ATAD2: variants seen among roughly 807,000 people sequenced by gnomAD.
ATAD2 encodes the protein ATPase family AAA domain-containing protein 2.
In ATAD2, 62 loss-of-function variants were observed where a neutral mutation model predicts 168.9. That is an observed-to-expected ratio of 0.37 (90% CI 0.30 to 0.45). ATAD2 has a LOEUF of 0.45. ATAD2 is among the 20% of genes least tolerant of loss of function. ATAD2 has a pLI of 1.00. For synonymous variants in ATAD2, 613 were observed against 571.6 expected, an observed-to-expected ratio of 1.07 and a Z score of -1.03; for missense variants, 1,419 against 1,667.8, an observed-to-expected ratio of 0.85 and a Z score of 2.60.
intron 13 of ATAD2, among the ~76,000 whole-genome samples, chr8:123,355,540 A>G (rs1828614698): frequency 6.6e-6 from 1 of 152,210 alleles, no homozygotes; most frequent in African/African-American, 2.4e-5. Context: ...CATCTTTAAA[A>G]TGGGGAGATT....
At chr8:123,326,168 T>C (rs1237108884) in intron 25 of ATAD2, 142 bp from the exon 26 acceptor site, 4 of 835,158 alleles carry the variant, frequency 4.8e-6, no homozygotes, top group South Asian at 1.9e-5. Context: ...CATTCTGTTA[T>C]AAGATTAAGA....
upstream of ATAD2, among the ~76,000 whole-genome samples, chr8:123,397,829 T>TA (rs1419961223): frequency 6.6e-6 from 1 of 151,960 alleles, no homozygotes; most frequent in African/African-American, 2.4e-5. Flanking sequence ...GAGTGCAATT[T>TA]AAAATAGGGT....
intron 22 of ATAD2, among the ~76,000 whole-genome samples, chr8:123,335,187 T>C (rs570886155): frequency 2.6e-5 from 4 of 152,246 alleles, no homozygotes; most frequent in South Asian, 2.1e-4. Context: ...ATTGCCACAA[T>C]AGACAGAAAG....
At chr8:123,330,005 T>TTTTTTTTTTTTTTTTA (rs1236060922) in intron 24 of ATAD2, among the ~76,000 whole-genome samples, 1 of 68,422 alleles carries the variant, frequency 1.5e-5, no homozygotes, top group African/African-American at 4.6e-5. Flanking sequence ...TTTTTTTTTT[T>TTTTTTTTTTTTTTTTA]GAGACAGGGT....
At chr8:123,353,317 T>G (rs1828533073) in intron 13 of ATAD2, among the ~76,000 whole-genome samples, 1 of 151,944 alleles carries the variant, frequency 6.6e-6, no homozygotes. Context: ...TGAGCCAAGA[T>G]CATACCACTG....
Position 123,359,607 on chromosome 8 carries a change from G to A in ATAD2, c.1236C>T (p.Ala412=), listed in dbSNP as rs775773999. The change falls in exon 10 of 28, where the codon GCC becomes GCT. Residue 412 remains alanine, a synonymous_variant. Coordinates refer to ENST00000287394, the MANE Select transcript of ATAD2 (RefSeq NM_014109.4). ...KDRMKIGASL[A]DVDPMQLDSS... is the part of the protein sequence containing the mutation. ...AATCTAGTTGCATTGGATCAACATC[G>A]GCAAGGCTTGCTCCAATTTTCATTC... 19 of 1,612,642 alleles carry A rather than the reference G, an allele frequency of 1.2e-5. No individual in the cohort carries two copies. The highest frequency in any genetic ancestry group is 1.1e-4 in the East Asian group (5 of 44,846).
chr8:123,368,940 C>T (rs1829057198), intron 8 of ATAD2, 118 bp downstream of exon 8: 1 of 449,454 alleles, frequency 2.2e-6, no homozygotes, highest in Admixed American at 3.5e-5. Flanking sequence ...ACTAAGCTCT[C>T]CCAAATACAC....
chr8:123,391,954 T>C (rs1586906461), intron 1 of ATAD2, among the ~76,000 whole-genome samples: 1 of 152,198 alleles, frequency 6.6e-6, no homozygotes. Context: ...GTATAATGCC[T>C]GCTGGGAACT....
intron 6 of ATAD2, among the ~76,000 whole-genome samples, chr8:123,370,256 G>A (rs1462584349): frequency 6.6e-6 from 1 of 151,908 alleles, no homozygotes; most frequent in East Asian, 1.9e-4. Flanking sequence ...AAGGAAAAAA[G>A]GAAGTAGAGA....
chr8:123,334,303 T>C lies in ATAD2; in HGVS notation c.3231A>G (p.Arg1077=), dbSNP rs1296812347. 6.4e-7 allele frequency: 1 copy of C among 1,571,658 alleles called. No individual in the cohort carries two copies. The highest frequency in any genetic ancestry group is 8.6e-7 in the Non-Finnish European group (1 of 1,167,688). The change falls in exon 23 of 28, where the codon AGA becomes AGG. Residue 1077 remains arginine (R), a synonymous_variant. Coordinates refer to ENST00000287394, the MANE Select transcript of ATAD2 (RefSeq NM_014109.4). ...AGGCAGTATCTCTTAAAGCACAGGC[T>C]CTATGCCTAATAAGACGATCTATGA... ...RDPGDRLIRH[R]ACALRDTAYA... is the part of the protein sequence containing the mutation.
intron 1 of ATAD2, among the ~76,000 whole-genome samples, chr8:123,414,844 C>T (rs1023290152): frequency 6.6e-6 from 1 of 152,198 alleles, no homozygotes; most frequent in African/African-American, 2.4e-5. Flanking sequence ...GTTCTCACCA[C>T]TACACCTGTC....
At chr8:123,387,169 A>G (rs1829668397) in intron 1 of ATAD2, among the ~76,000 whole-genome samples, 1 of 152,084 alleles carries the variant, frequency 6.6e-6, no homozygotes, top group Admixed American at 6.6e-5. Flanking sequence ...AGATAATACT[A>G]TATGTTTTAT....
At chr8:123,395,023 T>C (rs998427694) in intron 1 of ATAD2, among the ~76,000 whole-genome samples, 1 of 152,222 alleles carries the variant, frequency 6.6e-6, no homozygotes, top group Non-Finnish European at 1.5e-5. Flanking sequence ...AAGATCTTAA[T>C]AGAAGACTTA....
At chr8:123,410,860 G>A (rs970811722) in intron 1 of ATAD2, among the ~76,000 whole-genome samples, 17 of 152,224 alleles carry the variant, frequency 1.1e-4, no homozygotes, top group African/African-American at 3.4e-4. Context: ...CCAGCGAGGC[G>A]CCCATTGCCG....
At chr8:123,375,291 T>G (rs1157879796) in intron 2 of ATAD2, among the ~76,000 whole-genome samples, 1 of 147,972 alleles carries the variant, frequency 6.8e-6, no homozygotes, top group Non-Finnish European at 1.5e-5. Context: ...ATGCTCAACA[T>G]TATTAGCCAT....
chr8:123,359,100 T>TACC, intron 11 of ATAD2, 121 bp downstream of exon 11: 1 of 615,124 alleles, frequency 1.6e-6, no homozygotes, highest in Non-Finnish European at 2.7e-6. Flanking sequence ...AGAAAAGTTG[T>TACC]ATAATGAAAA....
intron 8 of ATAD2, among the ~76,000 whole-genome samples, chr8:123,365,667 G>A (rs1001213293): frequency 2.6e-5 from 4 of 152,118 alleles, no homozygotes; most frequent in Non-Finnish European, 4.4e-5. Context: ...ATAAAGTGGG[G>A]AAAGGACACC....
At position 123,402,242 on chromosome 8, in the gene ATAD2, C is replaced by A; in HGVS notation, c.-2281-1067G>T. 1 of 587,932 alleles carries A rather than the reference C, an allele frequency of 1.7e-6. No individual in the cohort carries two copies. The highest frequency in any genetic ancestry group is 3.1e-6 in the Non-Finnish European group (1 of 325,186). 36.4% of individuals were successfully genotyped at this position (587,932 alleles called of 1,614,324 possible). A position where few individuals can be genotyped will look rare whatever the true frequency, so the allele number is the denominator to read the frequency against. Reference sequence around the variant, plus strand: ...AGCTCCTTTCCAGGGAGAGAGGAGGCGAAGTTGTGAGGGGTCTGTGACCCC... The same window carrying A: ...AGCTCCTTTCCAGGGAGAGAGGAGGAGAAGTTGTGAGGGGTCTGTGACCCC... On this transcript the variant is annotated intron_variant, in intron 1 of 28. Coordinates refer to the ATAD2 transcript ENST00000521903. This position sits in a 1 kb window ranked among gnomAD's most constrained non-coding sequence, Gnocchi z 4.8.
chr8:123,393,674 C>T (rs1351989106), intron 1 of ATAD2, among the ~76,000 whole-genome samples: 6 of 151,726 alleles, frequency 4.0e-5, no homozygotes, highest in East Asian at 3.9e-4. Context: ...CCCAGCACTT[C>T]GGGAGGCTGA....
Sources: gnomAD v4.1 joint callset for allele counts (sites outside exome capture counted in the v4.1 genomes callset) on GRCh38, gnomAD v4.1.1 for gene constraint, Gnocchi (gnomAD v3.1) non-coding constraint, MANE v1.5 for transcripts, NCBI Gene and HGNC (gene_info 2026-07-23, HGNC 2026-07-21) for gene names.